SUPT5H: variants seen among roughly 807,000 people sequenced by gnomAD.
SUPT5H encodes SPT5 homolog, DSIF elongation factor subunit.
A neutral mutation model predicts 142.5 loss-of-function variants in SUPT5H; 24 were observed. The ratio of observed to expected loss-of-function variants is 0.17; its 90% CI spans 0.12 to 0.24. The LOEUF (loss-of-function observed/expected upper bound fraction) is 0.24. SUPT5H is among the 10% of genes least tolerant of loss of function. The pLI is 1.00. For missense variants in SUPT5H, 893 were observed against 1,471.8 expected (o/e 0.61, Z 6.43); for synonymous variants, 546 against 553.0 (o/e 0.99, Z 0.18).
chr19:39,459,624 G>A (rs1291822743), intron 9 of SUPT5H, 35 bp downstream of exon 9: 13 of 1,612,704 alleles, frequency 8.1e-6, no homozygotes, highest in Non-Finnish European at 1.0e-5. Flanking sequence ...GGAGGAGGTG[G>A]GAGAATGAGG....
At position 39,472,885 on chromosome 19, in the gene SUPT5H, A is replaced by G; in HGVS notation, c.2111A>G (p.Glu704Gly). 1 of 1,613,834 alleles carries G rather than the reference A, an allele frequency of 6.2e-7. No individual in the cohort carries two copies. Among genetic ancestry groups the G allele is most frequent in the Non-Finnish European group, 8.5e-7 (1 of 1,179,888 alleles). Reference sequence around the variant, plus strand: ...AGGGGCCGGGGCCGGAGGGACAACGAACTCATCGGCCAGACCGTGCGCATC... The same window carrying G: ...AGGGGCCGGGGCCGGAGGGACAACGGACTCATCGGCCAGACCGTGCGCATC... ...MSRGRGRRDN[E>G]LIGQTVRISQ... is the part of the protein sequence containing the mutation. The change falls in exon 22 of 30, where the codon GAA becomes GGA. Residue 704 changes from glutamate to glycine, a missense_variant. Physicochemically the swap from Glu to Gly is moderately conservative, Grantham distance 98. This residue lies in a region of SUPT5H where 336 missense variants were observed against 546.5 expected (regional missense o/e 0.61). Coordinates refer to ENST00000432763, the MANE Select transcript of SUPT5H (RefSeq NM_001111020.3). This position sits in a 1 kb window ranked among gnomAD's most constrained non-coding sequence, Gnocchi z 4.2.
At chr19:39,460,482 A>T (rs560418505) in intron 10 of SUPT5H, among the ~76,000 whole-genome samples, 1 of 152,314 alleles carries the variant, frequency 6.6e-6, no homozygotes, top group East Asian at 1.9e-4. Context: ...ATTCACCTGT[A>T]ATACCAGCAC....
Position 39,470,235 on chromosome 19 carries a change from G to T in SUPT5H, c.1491G>T (p.Glu497Asp), listed in dbSNP as rs2079300652. 6.3e-7 allele frequency: 1 copy of T among 1,596,428 alleles called. No homozygotes were observed. Among genetic ancestry groups the T allele is most frequent in the South Asian group, 1.1e-5 (1 of 89,334 alleles). Reference protein sequence around the residue: ...GDTGLIVRVEENFVILFSDLT... With the variant: ...GDTGLIVRVEDNFVILFSDLT... ...CAGGCCTCATTGTGCGGGTGGAGGA[G>T]AATTTCGTTATCCTGTTCTCTGACC... is the stretch of plus-strand genomic sequence containing the variant. The change falls in exon 17 of 30, where the codon GAG (glutamate) becomes GAT (aspartate). Residue 497 changes from glutamate (E) to aspartate (D), a missense_variant. By Grantham distance (45) the Glu-to-Asp change is conservative (BLOSUM62 2). This residue lies in a region of SUPT5H where 428 missense variants were observed against 763.5 expected (regional missense o/e 0.56). Transcript: ENST00000432763. The surrounding 1 kb of genome is among the most constrained non-coding windows in gnomAD (Gnocchi z 5.8).
chr19:39,446,162 C>T (rs78506322), intron 2 of SUPT5H, among the ~76,000 whole-genome samples, 197 bp downstream of exon 2: 1 of 152,002 alleles, frequency 6.6e-6, no homozygotes, highest in Admixed American at 6.6e-5. Flanking sequence ...TGGGTCAGGT[C>T]CAGTGAGATA....
At chr19:39,471,306 G>T (rs191789608) in intron 18 of SUPT5H, 51 bp from the exon 19 acceptor site, 5 of 1,611,028 alleles carry the variant, frequency 3.1e-6, no homozygotes, top group Admixed American at 1.7e-5. Context: ...CCTGCCCCGT[G>T]TCTCCCCTTC....
intron 2 of SUPT5H, among the ~76,000 whole-genome samples, chr19:39,449,908 G>T (rs1486474610): frequency 5.3e-5 from 8 of 150,886 alleles, no homozygotes. Flanking sequence ...CCAAAGTGCT[G>T]GGATTACAGG....
chr19:39,460,158 T>C lies in SUPT5H; in HGVS notation c.624+198T>C, dbSNP rs555461484. On this transcript the variant is annotated intron_variant, in intron 10 of 29. Coordinates refer to ENST00000432763, the MANE Select transcript of SUPT5H (RefSeq NM_001111020.3). ...AGATGGATATGTTGTCTTTGTTCTC[T>C]GCATTTATGGCAGGGTCTTCCCACC... 49 of 592,728 alleles carry C rather than the reference T, an allele frequency of 8.3e-5. No homozygotes were observed. In the East Asian group the frequency reaches 9.0e-4, roughly 11 times the overall value. The allele number at this position is 592,728 out of a possible 1,614,324, so 36.7% of individuals were successfully genotyped here.
chr19:39,455,109 G>A (rs533135301), intron 3 of SUPT5H, among the ~76,000 whole-genome samples: 6 of 152,182 alleles, frequency 3.9e-5, no homozygotes, highest in African/African-American at 7.2e-5. Context: ...AGTCCTGTTC[G>A]CAGTTGCAAA....
chr19:39,450,847 G>A (rs1182497682), intron 2 of SUPT5H, among the ~76,000 whole-genome samples: 4 of 152,166 alleles, frequency 2.6e-5, no homozygotes, highest in Non-Finnish European at 5.9e-5. Flanking sequence ...ACGCCTCTGG[G>A]TGGGAGAACA....
chr19:39,459,595 T>C lies in SUPT5H; in HGVS notation c.555+6T>C, dbSNP rs761119385. ...TGTGGACTGTCAAATGTAAGGTATG[T>C]GCTCTGATCTCGGGGCTTGGAGGAG... On this transcript the variant is annotated splice_donor_region_variant and intron_variant, in intron 9 of 29. Coordinates refer to ENST00000432763, the MANE Select transcript of SUPT5H (RefSeq NM_001111020.3). The C allele has an allele frequency of 6.2e-7, 1 of 1,613,826 alleles. No homozygotes were observed. The highest frequency in any genetic ancestry group is 8.5e-7 in the Non-Finnish European group (1 of 1,179,954).
At chr19:39,476,051 C>G (rs769004489) in intron 28 of SUPT5H, 30 bp from the exon 29 acceptor site, 2 of 1,603,190 alleles carry the variant, frequency 1.2e-6, no homozygotes, top group Non-Finnish European at 1.7e-6. Context: ...GGGAGCAGGA[C>G]AGGCTGACCA....
intron 8 of SUPT5H, 64 bp from the exon 9 acceptor site, chr19:39,459,495 G>A (rs1031430292): frequency 1.3e-6 from 2 of 1,598,472 alleles, no homozygotes; most frequent in African/African-American, 2.7e-5. Flanking sequence ...GGCCCTGGGG[G>A]TTCGTCTGTT....
intron 10 of SUPT5H, among the ~76,000 whole-genome samples, 183 bp from the exon 11 acceptor site, chr19:39,464,615 T>G (rs2079210170): frequency 6.6e-6 from 1 of 152,234 alleles, no homozygotes; most frequent in Non-Finnish European, 1.5e-5. Context: ...TTTTAAAATT[T>G]TTAGTCTGGT....
rs112694342 is a variant in SUPT5H, at chr19:39,451,470, C to T, written c.76-1886C>T. Among the ~76,000 whole-genome samples the T allele has an allele frequency of 1.7e-3, 253 of 152,096 alleles. 1 individual carries two copies. Among genetic ancestry groups the T allele is most frequent in the African/African-American group, 5.7e-3 (238 of 41,488 alleles). On this transcript the variant is annotated intron_variant, in intron 2 of 29. Transcript: ENST00000432763. The stretch of plus-strand genomic sequence containing the variant: ...GCCACCGCGCCCAGCCTGAGCATGA[C>T]CTTTGAGCATTATGTCAGTGCTGAA...
intron 2 of SUPT5H, among the ~76,000 whole-genome samples, chr19:39,451,601 G>A (rs561192056): frequency 2.3e-4 from 35 of 152,154 alleles, no homozygotes; most frequent in Non-Finnish European, 3.2e-4. Context: ...GTACAATCTC[G>A]GCTGAGTGCA....
rs2079371982 is a variant in SUPT5H, at chr19:39,474,390, C to T, written c.2808C>T (p.Pro936=). 1.2e-6 allele frequency: 2 copies of T among 1,613,860 alleles called. No individual in the cohort carries two copies. The highest frequency in any genetic ancestry group is 1.7e-6 in the Non-Finnish European group (2 of 1,179,928). ...SPASYHPTPS[P]MAYQASPSPS... is the part of the protein sequence containing the mutation. ...CCAGCTACCACCCTACACCGTCGCC[C>T]ATGGCCTATCAGGTAATGGTCTGCC... The change falls in exon 27 of 30, where the codon CCC becomes CCT. Residue 936 remains proline (P), a synonymous_variant. Transcript: ENST00000432763. This position sits in a 1 kb window ranked among gnomAD's most constrained non-coding sequence, Gnocchi z 6.5.
chr19:39,447,963 A>G (rs969205123), intron 2 of SUPT5H, among the ~76,000 whole-genome samples: 3 of 152,170 alleles, frequency 2.0e-5, no homozygotes, highest in Admixed American at 1.3e-4. Flanking sequence ...CTTGTGAGGG[A>G]GATTTAACAT....
intron 10 of SUPT5H, 148 bp from the exon 11 acceptor site, chr19:39,464,650 G>A: frequency 8.3e-7 from 1 of 1,197,772 alleles, no homozygotes; most frequent in South Asian, 1.8e-5. Flanking sequence ...AAATAATTCT[G>A]CAGGGAACAC....
Position 39,463,083 on chromosome 19 carries a change from C to A in SUPT5H, c.625-1715C>A, listed in dbSNP as rs536871006. Among the ~76,000 whole-genome samples the A allele has an allele frequency of 2.0e-5, 3 of 147,868 alleles. No individual in the cohort carries two copies. The East Asian group carries it at 6.0e-4, about 29-fold the overall frequency. On this transcript the variant is annotated intron_variant, in intron 10 of 29. Coordinates refer to ENST00000432763, the MANE Select transcript of SUPT5H (RefSeq NM_001111020.3). ...ATGTTGGCCAGGCTGACCTTGAACT[C>A]CTGACCTCAGATGATCCACCCCTCA...
Sources: allele counts gnomAD v4.1 joint callset (sites outside exome capture counted in the v4.1 genomes callset), GRCh38; gene constraint gnomAD v4.1.1; regional missense constraint gnomAD v4.1.1; non-coding constraint Gnocchi (gnomAD v3.1); transcripts MANE v1.5; gene names NCBI Gene and HGNC (gene_info 2026-07-23, HGNC 2026-07-21).